Variants in ENOPH1 observed in about 807,000 individuals in gnomAD.
The protein encoded by ENOPH1 is enolase-phosphatase E1.
In ENOPH1, 14 loss-of-function variants were observed where a neutral mutation model predicts 31.1. The ratio of observed to expected loss-of-function variants is 0.45; its 90% CI spans 0.30 to 0.70. The LOEUF is 0.70. Ranked by LOEUF, ENOPH1 falls within the 30% of genes least tolerant of loss-of-function variation. The probability of loss-of-function intolerance (pLI) is 0.09; values close to 1 mark genes in which losing one functional copy is unlikely to be tolerated. For missense variants in ENOPH1, 243 were observed against 321.5 expected (o/e 0.76, Z 1.87); for synonymous variants, 127 against 123.2 (o/e 1.03, Z -0.21).
intron 1 of ENOPH1, among the ~76,000 whole-genome samples, chr4:82,432,812 G>A (rs983110956): frequency 6.6e-6 from 1 of 151,866 alleles, no homozygotes; most frequent in Non-Finnish European, 1.5e-5. Context: ...GCTAATTTTT[G>A]TATTTTTAGT....
chr4:82,440,530 T>C (rs1470251827), intron 1 of ENOPH1, among the ~76,000 whole-genome samples: 2 of 152,216 alleles, frequency 1.3e-5, no homozygotes, highest in Non-Finnish European at 2.9e-5. Context: ...GCAGGGATGT[T>C]AGGCAGATTC....
chr4:82,450,246 T>G (rs1722313143), intron 2 of ENOPH1, among the ~76,000 whole-genome samples: 1 of 152,258 alleles, frequency 6.6e-6, no homozygotes, highest in African/African-American at 2.4e-5. Flanking sequence ...AAATGACACT[T>G]AAATTTCAAT....
intron 1 of ENOPH1, among the ~76,000 whole-genome samples, chr4:82,442,931 T>TCTCATGTCTG (rs541246479): frequency 3.7e-4 from 56 of 152,166 alleles, no homozygotes; most frequent in Admixed American, 2.9e-3. Flanking sequence ...TTCAAGCAAT[T>TCTCATGTCTG]CTCATGTCTG....
At chr4:82,448,808 C>T (rs2110043547) in intron 2 of ENOPH1, among the ~76,000 whole-genome samples, 1 of 151,544 alleles carries the variant, frequency 6.6e-6, no homozygotes, top group African/African-American at 2.4e-5. Context: ...CCTGTAATCC[C>T]AGCACTTTGG....
intron 5 of ENOPH1, among the ~76,000 whole-genome samples, chr4:82,458,371 GT>G (rs1722543718): frequency 6.6e-6 from 1 of 152,142 alleles, no homozygotes; most frequent in Non-Finnish European, 1.5e-5. Flanking sequence ...CCAGGCAGTA[GT>G]GGTACACGCC....
chr4:82,449,947 G>A (rs546678944), intron 2 of ENOPH1, among the ~76,000 whole-genome samples: 1 of 152,170 alleles, frequency 6.6e-6, no homozygotes, highest in African/African-American at 2.4e-5. Context: ...TCCACATTGT[G>A]TGCTATGGAA....
At chr4:82,457,920 T>G (rs1005089733) in intron 5 of ENOPH1, among the ~76,000 whole-genome samples, 1 of 152,270 alleles carries the variant, frequency 6.6e-6, no homozygotes, top group Non-Finnish European at 1.5e-5. Flanking sequence ...TCTTCTCATT[T>G]AAGCCATTTC....
intron 1 of ENOPH1, among the ~76,000 whole-genome samples, chr4:82,445,733 A>G (rs1192007155): frequency 1.3e-5 from 2 of 152,192 alleles, no homozygotes; most frequent in East Asian, 1.9e-4. Context: ...ATGAGCCACC[A>G]TGCCCAGCAG....
chr4:82,430,812 G>C lies in ENOPH1; in HGVS notation c.-18G>C. 2 of 1,613,256 alleles carry C rather than the reference G, an allele frequency of 1.2e-6. No homozygotes were observed. The highest frequency in any genetic ancestry group is 8.5e-7 in the Non-Finnish European group (1 of 1,179,290). The stretch of plus-strand genomic sequence containing the variant: ...CCTCCCCAACAGCAGGCCGAGTCCC[G>C]TAGCATCCGGTAGGGAAATGGTCGT... On this transcript the variant is annotated 5_prime_UTR_variant, in exon 1 of 6. Coordinates refer to ENST00000273920, the MANE Select transcript of ENOPH1 (RefSeq NM_021204.5).
In ENOPH1 at chr4:82,460,660, A is replaced by G. The variant is rs1438939216; in HGVS notation, c.*540A>G. On this transcript the variant is annotated 3_prime_UTR_variant, in exon 6 of 6. Coordinates refer to ENST00000273920, the MANE Select transcript of ENOPH1 (RefSeq NM_021204.5). ...CAAAAGAACAAAATTGGGAAAGAAA[A>G]CTCACTTGAGTCTTGATCAAACAAG... The G allele has an allele frequency of 6.6e-6, 1 of 152,234 alleles. No individual in the cohort carries two copies. The highest frequency in any genetic ancestry group is 1.5e-5 in the Non-Finnish European group (1 of 68,088). The allele number at this position is 152,234 out of a possible 1,614,324, so 9.4% of individuals were successfully genotyped here.
chr4:82,455,065 A>C (rs1722448238), intron 4 of ENOPH1, among the ~76,000 whole-genome samples: 3 of 152,184 alleles, frequency 2.0e-5, no homozygotes, highest in Admixed American at 2.0e-4. Flanking sequence ...GTCTTGAAAA[A>C]TAAAATCAGT....
At chr4:82,446,908 T>G (rs939885116) in intron 1 of ENOPH1, among the ~76,000 whole-genome samples, 1 of 149,370 alleles carries the variant, frequency 6.7e-6, no homozygotes, top group Non-Finnish European at 1.5e-5. Context: ...GGGTTTCACC[T>G]TGTTAGCCAG....
At chr4:82,446,663 T>C (rs1407861113) in intron 1 of ENOPH1, among the ~76,000 whole-genome samples, 1 of 72,714 alleles carries the variant, frequency 1.4e-5, no homozygotes, top group Non-Finnish European at 2.5e-5. Context: ...TGCACATCAC[T>C]TTTTTTTTTT....
At chr4:82,444,055 A>T (rs1478215668) in intron 1 of ENOPH1, among the ~76,000 whole-genome samples, 2 of 152,036 alleles carry the variant, frequency 1.3e-5, no homozygotes, top group Admixed American at 6.5e-5. Flanking sequence ...TTGTATTTTT[A>T]GTAGAAACAG....
intron 1 of ENOPH1, among the ~76,000 whole-genome samples, chr4:82,445,458 T>C (rs935543063): frequency 2.0e-5 from 3 of 152,168 alleles, no homozygotes; most frequent in Non-Finnish European, 1.5e-5. Flanking sequence ...ATCATTTGTT[T>C]TTTTGTTTGT....
intron 4 of ENOPH1, among the ~76,000 whole-genome samples, chr4:82,456,471 T>A (rs1277834027): frequency 6.6e-6 from 1 of 152,172 alleles, no homozygotes; most frequent in Non-Finnish European, 1.5e-5. Flanking sequence ...AAATGAGAAT[T>A]TCTTGTAAGT....
chr4:82,438,884 C>A (rs980642974), intron 1 of ENOPH1, among the ~76,000 whole-genome samples: 5 of 152,124 alleles, frequency 3.3e-5, no homozygotes, highest in African/African-American at 9.7e-5. Context: ...ACAAAGTATT[C>A]TTTTTTACAA....
chr4:82,458,825 A>G (rs1229889647), intron 5 of ENOPH1, among the ~76,000 whole-genome samples: 3 of 152,180 alleles, frequency 2.0e-5, no homozygotes, highest in African/African-American at 7.2e-5. Context: ...TCTGAAGAAG[A>G]CATTCCCACA....
chr4:82,437,823 G>A (rs1186690336), intron 1 of ENOPH1, among the ~76,000 whole-genome samples: 1 of 152,220 alleles, frequency 6.6e-6, no homozygotes, highest in Non-Finnish European at 1.5e-5. Context: ...AACATGCTGG[G>A]TGATGGTGAT....
Sources: gnomAD v4.1 joint callset for allele counts (sites outside exome capture counted in the v4.1 genomes callset) on GRCh38, gnomAD v4.1.1 for gene constraint, MANE v1.5 for transcripts, NCBI Gene and HGNC (gene_info 2026-07-23, HGNC 2026-07-21) for gene names.